CCSER1: variants seen among roughly 807,000 people sequenced by gnomAD.
The protein encoded by CCSER1 is serine-rich coiled-coil domain-containing protein 1.
In CCSER1, 41 loss-of-function variants were observed where a neutral mutation model predicts 82.0. The observed-to-expected ratio is 0.50, with a 90% CI of 0.39 to 0.65. The LOEUF (loss-of-function observed/expected upper bound fraction) is 0.65, where lower values mean the gene tolerates loss of function less well. Ranked by LOEUF, CCSER1 falls within the 30% of genes least tolerant of loss-of-function variation. The pLI, the probability that CCSER1 is intolerant of heterozygous loss-of-function variation, is 0.00. For missense variants in CCSER1, 1,119 were observed against 1,064.2 expected (o/e 1.05, Z -0.72); for synonymous variants, 414 against 383.9 (o/e 1.08, Z -0.92).
chr4:91,074,201 A>G (rs77871496), intron 9 of CCSER1, among the ~76,000 whole-genome samples: 3 of 152,314 alleles, frequency 2.0e-5, no homozygotes, highest in East Asian at 3.9e-4. Flanking sequence ...TTTCAGCCCA[A>G]TGGGGGAAGA....
chr4:90,844,134 AGT>A (rs1181113987), intron 8 of CCSER1, among the ~76,000 whole-genome samples: 8 of 148,748 alleles, frequency 5.4e-5, no homozygotes, highest in East Asian at 2.0e-4. Flanking sequence ...TATATCTTCC[AGT>A]GTGTGTGTGT....
At position 90,898,926 on chromosome 4, in the gene CCSER1, A is replaced by G. The variant is rs144988922; in HGVS notation, c.2095-24444A>G. Among the ~76,000 whole-genome samples, 579 of 151,626 alleles carry G rather than the reference A, an allele frequency of 3.8e-3. 5 individuals carry two copies. Among genetic ancestry groups the G allele is most frequent in the African/African-American group, 0.014 (565 of 41,438 alleles). ...ATGCTTATGATTGCTTTGGGTATTT[A>G]GGCATTTTTTGGTTCCATGTTATTT... On this transcript the variant is annotated intron_variant, in intron 8 of 10. Transcript: ENST00000509176.
intron 10 of CCSER1, among the ~76,000 whole-genome samples, chr4:91,304,502 G>A (rs1744898741): frequency 6.6e-6 from 1 of 151,926 alleles, no homozygotes; most frequent in Non-Finnish European, 1.5e-5. Context: ...TTTATACACT[G>A]AGATCATCAA....
At position 90,882,779 on chromosome 4, in the gene CCSER1, C is replaced by T. The variant is rs545403691; in HGVS notation, c.2095-40591C>T. Among the ~76,000 whole-genome samples, 18 of 151,884 alleles carry T rather than the reference C, an allele frequency of 1.2e-4. No homozygotes were observed. In the East Asian group the frequency reaches 3.5e-3, roughly 29 times the overall value. On this transcript the variant is annotated intron_variant, in intron 8 of 10. Transcript: ENST00000509176. Reference sequence around the variant, plus strand: ...TGAAAAAAAACAAAGCCAGGCTTCCCCCCTCAAATATACGCAACTTCACTT... The same window carrying T: ...TGAAAAAAAACAAAGCCAGGCTTCCTCCCTCAAATATACGCAACTTCACTT...
chr4:91,033,945 T>G (rs1273981539), intron 9 of CCSER1, among the ~76,000 whole-genome samples: 1 of 152,172 alleles, frequency 6.6e-6, no homozygotes, highest in Non-Finnish European at 1.5e-5. Flanking sequence ...GTGATGTTAT[T>G]GTATAAATAC....
chr4:90,654,914 G>A (rs1249675124), intron 6 of CCSER1, among the ~76,000 whole-genome samples: 1 of 151,952 alleles, frequency 6.6e-6, no homozygotes, highest in African/African-American at 2.4e-5. Flanking sequence ...GTTGATTATT[G>A]TCATCAGAAA....
In CCSER1 at chr4:90,461,168, C is replaced by G. The variant is rs1242437199; in HGVS notation, c.1604-7066C>G. Reference sequence around the variant, plus strand: ...GCAAGCTCCGCCTCCCGGGTTCACGCCATTCTCCTGCCTCAGCCTCCCAAG... The same window carrying G: ...GCAAGCTCCGCCTCCCGGGTTCACGGCATTCTCCTGCCTCAGCCTCCCAAG... On this transcript the variant is annotated intron_variant, in intron 4 of 10. Coordinates refer to ENST00000509176, the MANE Select transcript of CCSER1 (RefSeq NM_001145065.2). Among the ~76,000 whole-genome samples the G allele has an allele frequency of 4.1e-5, 5 of 122,738 alleles. 1 individual carries two copies. The highest frequency in any genetic ancestry group is 8.2e-5 in the Non-Finnish European group (5 of 61,178). 80.5% of individuals were successfully genotyped at this position (122,738 alleles called of 152,430 possible).
intron 10 of CCSER1, among the ~76,000 whole-genome samples, chr4:91,287,506 G>A (rs2149212958): frequency 6.6e-6 from 1 of 152,052 alleles, no homozygotes; most frequent in African/African-American, 2.4e-5. Context: ...AGCTTCCACA[G>A]TAGTGAGGAC....
intron 4 of CCSER1, among the ~76,000 whole-genome samples, chr4:90,438,014 C>T (rs530644555): frequency 1.3e-5 from 2 of 152,054 alleles, no homozygotes; most frequent in Non-Finnish European, 2.9e-5. Flanking sequence ...ATCTACATCT[C>T]CACAGTTCTG....
intron 10 of CCSER1, among the ~76,000 whole-genome samples, chr4:91,401,602 A>G (rs1335861233): frequency 6.6e-6 from 1 of 151,750 alleles, no homozygotes; most frequent in African/African-American, 2.4e-5. Flanking sequence ...CATGTGTCCA[A>G]GTGTTCTCAT....
intron 10 of CCSER1, among the ~76,000 whole-genome samples, chr4:91,552,092 A>G (rs2110227042): frequency 6.6e-6 from 1 of 151,908 alleles, no homozygotes; most frequent in South Asian, 2.1e-4. Context: ...AAATTTGAAT[A>G]TAATTTTTAA....
At chr4:90,543,627 C>A (rs1241354641) in intron 5 of CCSER1, among the ~76,000 whole-genome samples, 2 of 152,096 alleles carry the variant, frequency 1.3e-5, no homozygotes, top group Non-Finnish European at 2.9e-5. Flanking sequence ...AGCTGAGGAC[C>A]TTCATATCAC....
intron 10 of CCSER1, among the ~76,000 whole-genome samples, chr4:91,300,213 A>G (rs34688447): frequency 3.9e-5 from 6 of 151,962 alleles, no homozygotes; most frequent in African/African-American, 4.8e-5. Flanking sequence ...TATATGAACT[A>G]TAATTATTTG....
chr4:90,375,965 A>G (rs1277033233), intron 3 of CCSER1, among the ~76,000 whole-genome samples: 1 of 152,160 alleles, frequency 6.6e-6, no homozygotes, highest in African/African-American at 2.4e-5. Flanking sequence ...TGACCTCCAC[A>G]TGGGGAGGAA....
chr4:91,204,118 C>G (rs1736145900), intron 10 of CCSER1, among the ~76,000 whole-genome samples: 1 of 151,822 alleles, frequency 6.6e-6, no homozygotes, highest in Non-Finnish European at 1.5e-5. Flanking sequence ...TATTACCACT[C>G]TCTACAACAT....
rs188924901 is a variant in CCSER1 at position 90,654,108 on chromosome 4, C to T, written c.1932+25876C>T. Among the ~76,000 whole-genome samples, 113 of 152,232 alleles carry T rather than the reference C, an allele frequency of 7.4e-4. 1 individual carries two copies. Among genetic ancestry groups the T allele is most frequent in the African/African-American group, 2.4e-3 (100 of 41,566 alleles). The stretch of plus-strand genomic sequence containing the variant: ...CCCATGATCCAGTCACCTCCCACCA[C>T]GCCCCTCCTTCAATTCAACATGAGA... On this transcript the variant is annotated intron_variant, in intron 6 of 10. Transcript: ENST00000509176.
At chr4:90,578,003 C>T (rs921106405) in intron 5 of CCSER1, among the ~76,000 whole-genome samples, 3 of 152,074 alleles carry the variant, frequency 2.0e-5, no homozygotes, top group African/African-American at 7.2e-5. Context: ...TACTGTGATA[C>T]AGTAGAAACT....
At chr4:91,331,609 T>C (rs1208980932) in intron 10 of CCSER1, among the ~76,000 whole-genome samples, 1 of 152,082 alleles carries the variant, frequency 6.6e-6, no homozygotes, top group Non-Finnish European at 1.5e-5. Flanking sequence ...TTCCTTAACC[T>C]CCCTGACTCT....
At chr4:91,573,329 G>T (rs1264696541) in intron 10 of CCSER1, among the ~76,000 whole-genome samples, 1 of 152,162 alleles carries the variant, frequency 6.6e-6, no homozygotes, top group Non-Finnish European at 1.5e-5. Flanking sequence ...AGACACCAAG[G>T]AAGTAAATCC....
Sources: allele counts gnomAD v4.1 joint callset (sites outside exome capture counted in the v4.1 genomes callset), GRCh38; gene constraint gnomAD v4.1.1; transcripts MANE v1.5; gene names NCBI Gene and HGNC (gene_info 2026-07-23, HGNC 2026-07-21).